RB1: variants seen among roughly 807,000 people sequenced by gnomAD.
RB1 encodes the protein RB transcriptional corepressor 1, also known as retinoblastoma-associated protein.
RB1 carries 18 observed loss-of-function variants against 135.4 expected under a neutral mutation model. That is an observed-to-expected ratio of 0.13 (90% confidence interval 0.09 to 0.20). The LOEUF (loss-of-function observed/expected upper bound fraction) is 0.20. Ranked by LOEUF, RB1 falls within the 10% of genes least tolerant of loss-of-function variation. RB1 has a pLI of 1.00. For synonymous variants in RB1, 365 were observed against 373.2 expected (o/e 0.98, Z 0.25); for missense variants, 868 against 1,110.0 (o/e 0.78, Z 3.10).
chr13:48,446,104 C>T (rs1449279777), intron 17 of RB1, among the ~76,000 whole-genome samples: 1 of 152,028 alleles, frequency 6.6e-6, no homozygotes, highest in Non-Finnish European at 1.5e-5. Context: ...ATTATAGGTG[C>T]GTGCCACCAT....
intron 17 of RB1, among the ~76,000 whole-genome samples, chr13:48,409,463 A>C (rs1178190569): frequency 5.3e-5 from 8 of 151,962 alleles, no homozygotes; most frequent in Non-Finnish European, 5.9e-5. Flanking sequence ...GAGGACTTGA[A>C]AGATTAAGAC....
chr13:48,452,161 G>C (rs1240937109), intron 17 of RB1, among the ~76,000 whole-genome samples: 1 of 151,958 alleles, frequency 6.6e-6, no homozygotes, highest in East Asian at 1.9e-4. Flanking sequence ...TTTGGGGTTT[G>C]TTTGCTCTTT....
intron 17 of RB1, among the ~76,000 whole-genome samples, chr13:48,391,027 C>T (rs1267761126): frequency 6.6e-6 from 1 of 151,952 alleles, no homozygotes; most frequent in Non-Finnish European, 1.5e-5. Flanking sequence ...TCTCATCTCC[C>T]TTTTCCTCCC....
chr13:48,396,844 A>G (rs1948652560), intron 17 of RB1, among the ~76,000 whole-genome samples: 1 of 152,254 alleles, frequency 6.6e-6, no homozygotes, highest in Non-Finnish European at 1.5e-5. Flanking sequence ...GGATATGAAC[A>G]GACACTTCTC....
chr13:48,392,759 TC>T (rs1948620603), intron 17 of RB1, among the ~76,000 whole-genome samples: 1 of 152,084 alleles, frequency 6.6e-6, no homozygotes, highest in African/African-American at 2.4e-5. Context: ...GTTCTCTCTC[TC>T]TCTCTCTTTT....
chr13:48,373,150 G>A (rs1300164450), intron 11 of RB1, among the ~76,000 whole-genome samples: 1 of 151,996 alleles, frequency 6.6e-6, no homozygotes, highest in East Asian at 1.9e-4. Flanking sequence ...CTATTTTATT[G>A]ATATGTAGTT....
intron 17 of RB1, among the ~76,000 whole-genome samples, chr13:48,424,720 A>C (rs1949055017): frequency 6.6e-6 from 1 of 152,066 alleles, no homozygotes; most frequent in East Asian, 1.9e-4. Context: ...CACAGTACTT[A>C]GTTTGCCTTT....
rs984184441 is a variant in RB1 at position 48,319,684 on chromosome 13, C to T, written c.264+12278C>T. On this transcript the variant is annotated intron_variant, in intron 2 of 26. Transcript: ENST00000267163. This position sits in a 1 kb window ranked among gnomAD's most constrained non-coding sequence, Gnocchi z 5.0. ...CGATGCGCCACCTTTGCGGCTAGCT[C>T]TTCGTGGGATTTCAAGAGTGACTTG... The T allele has an allele frequency of 5.5e-5, 14 of 254,826 alleles. No homozygotes were observed. Among genetic ancestry groups the T allele is most frequent in the African/African-American group, 3.0e-4 (13 of 43,682 alleles). 15.8% of individuals were successfully genotyped at this position (254,826 alleles called of 1,614,324 possible).
Position 48,440,602 on chromosome 13 carries a change from G to C in RB1, c.1696-12391G>C, listed in dbSNP as rs4151572. ...CGATCTGCCTTGCCTTTCTTCTACTGTGTCAAAGAATTTATGATCAAGGGC... is the reference window on the plus strand; with the variant it reads ...CGATCTGCCTTGCCTTTCTTCTACTCTGTCAAAGAATTTATGATCAAGGGC... On this transcript the variant is annotated intron_variant, in intron 17 of 26. Transcript: ENST00000267163. Among the ~76,000 whole-genome samples the C allele has an allele frequency of 3.4e-3, 523 of 152,210 alleles. 12 individuals are homozygous for C. In the East Asian group the frequency reaches 0.046, roughly 14 times the overall value.
rs1949533086 is a variant in RB1 at position 48,480,638 on chromosome 13, T to C, written c.*567T>C. 1 of 225,746 alleles carries C rather than the reference T, an allele frequency of 4.4e-6. No individual in the cohort carries two copies. Among genetic ancestry groups the C allele is most frequent in the African/African-American group, 2.2e-5 (1 of 44,908 alleles). 14.0% of individuals were successfully genotyped at this position (225,746 alleles called of 1,614,324 possible). On this transcript the variant is annotated 3_prime_UTR_variant, in exon 27 of 27. Transcript: ENST00000267163. ...ACTAATTTTACACATTAGATTTTAT[T>C]TTACTATTGGAATCTGATATACTGT... is the stretch of plus-strand genomic sequence containing the variant.
At chr13:48,326,861 T>A (rs1323494162) in intron 2 of RB1, among the ~76,000 whole-genome samples, 1 of 151,704 alleles carries the variant, frequency 6.6e-6, no homozygotes, top group African/African-American at 2.4e-5. Context: ...AACTGTCACA[T>A]TAAAAAAAAA....
chr13:48,320,263 C>G, intron 2 of RB1: 1 of 1,178,746 alleles, frequency 8.5e-7, no homozygotes, highest in Non-Finnish European at 1.2e-6. Flanking sequence ...CCTGTGGCCC[C>G]TCTGTGCAGC....
chr13:48,455,289 T>C (rs4151585), intron 18 of RB1, among the ~76,000 whole-genome samples: 127 of 152,226 alleles, frequency 8.3e-4, no homozygotes, highest in Non-Finnish European at 1.6e-3. Flanking sequence ...TTTGTTCTTA[T>C]TAAGTCTGAG....
chr13:48,421,278 G>A (rs891391913), intron 17 of RB1, among the ~76,000 whole-genome samples: 7 of 150,004 alleles, frequency 4.7e-5, no homozygotes, highest in African/African-American at 1.5e-4. Context: ...AAAGGATTCC[G>A]TTTAATAAAT....
rs778758342 is a variant in RB1, at chr13:48,480,096, T to A, written c.*25T>A. ...AGGATCTCAGGACCTTGGTGGACAC[T>A]GTGTACACCTCTGGATTCATTGTCT... On this transcript the variant is annotated 3_prime_UTR_variant, in exon 27 of 27. Transcript: ENST00000267163. 2 of 1,546,040 alleles carry A rather than the reference T, an allele frequency of 1.3e-6. No individual in the cohort carries two copies. Among genetic ancestry groups the A allele is most frequent in the Non-Finnish European group, 1.8e-6 (2 of 1,119,252 alleles).
chr13:48,401,211 T>G (rs527462552), intron 17 of RB1: 1 of 152,182 alleles, frequency 6.6e-6, no homozygotes, highest in Non-Finnish European at 1.5e-5. Context: ...GAAGCACATA[T>G]ACTCTTATTC....
rs1131690895 is a variant in RB1, at chr13:48,349,024, G to GT, written c.607+2dup. On this transcript the variant is annotated splice_donor_variant, in intron 6 of 26. Coordinates refer to ENST00000267163, the MANE Select transcript of RB1 (RefSeq NM_000321.3). LOFTEE classifies it high-confidence loss of function. ...TGGATCACATTTTTATTAGCTAAAG[G>GT]TAAGTTCATTATATTTATTAAATGC... 1 of 1,594,608 alleles carries GT rather than the reference G, an allele frequency of 6.3e-7. No homozygotes were observed. The highest frequency in any genetic ancestry group is 1.1e-5 in the South Asian group (1 of 89,562).
chr13:48,319,996 A>T lies in RB1; in HGVS notation c.264+12590A>T. On this transcript the variant is annotated intron_variant, in intron 2 of 26. Transcript: ENST00000267163. The surrounding 1 kb of genome is among the most constrained non-coding windows in gnomAD (Gnocchi z 5.0). ...GCTTACATCTACTGCCACTGCCTGCAGCCCTGGAAGGCTGGGCTGCGCCTG... is the reference window on the plus strand; with the variant it reads ...GCTTACATCTACTGCCACTGCCTGCTGCCCTGGAAGGCTGGGCTGCGCCTG... 1 of 419,336 alleles carries T rather than the reference A, an allele frequency of 2.4e-6. No individual in the cohort carries two copies. The highest frequency in any genetic ancestry group is 5.5e-5 in the East Asian group (1 of 18,046). The allele number at this position is 419,336 out of a possible 1,614,324, so 26.0% of individuals were successfully genotyped here.
At chr13:48,312,373 G>T (rs78949461) in intron 2 of RB1, among the ~76,000 whole-genome samples, 17 of 152,064 alleles carry the variant, frequency 1.1e-4, no homozygotes, top group Non-Finnish European at 2.4e-4. Context: ...CTCATTGGAG[G>T]TTCCTTTTTT....
Sources: gnomAD v4.1 joint callset for allele counts (sites outside exome capture counted in the v4.1 genomes callset) on GRCh38, gnomAD v4.1.1 for gene constraint, Gnocchi (gnomAD v3.1) non-coding constraint, MANE v1.5 for transcripts, NCBI Gene and HGNC (gene_info 2026-07-23, HGNC 2026-07-21) for gene names.